Variants in ZFP64 observed in about 807,000 individuals in gnomAD.
The protein encoded by ZFP64 is zinc finger protein 64.
ZFP64 carries 14 observed loss-of-function variants against 51.6 expected under a neutral mutation model. The observed-to-expected ratio is 0.27, with a 90% CI of 0.18 to 0.42. ZFP64 has a LOEUF of 0.42. ZFP64 is among the 10% of genes least tolerant of loss of function. The probability of loss-of-function intolerance (pLI) is 1.00; values close to 1 mark genes in which losing one functional copy is unlikely to be tolerated. For missense variants in ZFP64, 754 were observed against 906.8 expected, an observed-to-expected ratio of 0.83 and a Z score of 2.16; for synonymous variants, 375 against 361.4, an observed-to-expected ratio of 1.04 and a Z score of -0.43.
At chr20:52,166,069 G>T (rs2273472) in intron 2 of ZFP64, 44 bp from the exon 3 acceptor site, 384,710 of 1,555,576 alleles carry the variant, frequency 0.25, 48,925 homozygotes, top group Admixed American at 0.35. Flanking sequence ...ATAAATGCCC[G>T]CTAGCTATGG....
At chr20:52,124,203 A>G (rs1263339169) in intron 5 of ZFP64, among the ~76,000 whole-genome samples, 2 of 151,734 alleles carry the variant, frequency 1.3e-5, no homozygotes, top group Non-Finnish European at 2.9e-5. Context: ...AAAAAAAAAA[A>G]AAAAAAAGTC....
At chr20:52,087,718 G>A (rs540870565) in intron 8 of ZFP64, among the ~76,000 whole-genome samples, 3 of 152,202 alleles carry the variant, frequency 2.0e-5, no homozygotes, top group Non-Finnish European at 4.4e-5. Context: ...TTGTGGCCCT[G>A]GCTGTCTACA....
At position 52,178,864 on chromosome 20, in the gene ZFP64, C is replaced by A. The variant is rs574562845; in HGVS notation, c.286+7968G>T. 1.1e-4 allele frequency among the ~76,000 whole-genome samples: 17 copies of A among 152,322 alleles called. No homozygotes were observed. The South Asian group carries it at 3.1e-3, about 28-fold the overall frequency. On this transcript the variant is annotated intron_variant, in intron 2 of 5. Coordinates refer to ENST00000216923, the MANE Select transcript of ZFP64 (RefSeq NM_018197.3). ...CCTTTAAGACTACACTTGTCACAAA[C>A]AGCTGGGCTTGAATGTCTTACAACT...
chr20:52,149,455 T>A (rs1980685160), downstream of ZFP64, among the ~76,000 whole-genome samples: 1 of 152,148 alleles, frequency 6.6e-6, no homozygotes, highest in Non-Finnish European at 1.5e-5. Context: ...TGTCAATAAA[T>A]GGAATAATCA....
At chr20:52,094,095 C>G (rs1418910426) in intron 7 of ZFP64, among the ~76,000 whole-genome samples, 1 of 152,152 alleles carries the variant, frequency 6.6e-6, no homozygotes. Context: ...GGCAGATCTA[C>G]CAACTGGGTC....
intron 5 of ZFP64, among the ~76,000 whole-genome samples, chr20:52,127,319 T>A (rs1372971384): frequency 6.6e-6 from 1 of 151,964 alleles, no homozygotes; most frequent in East Asian, 1.9e-4. Context: ...TTTTTTTTTT[T>A]AAAGGAAGTG....
chr20:52,175,896 A>G (rs778940518), intron 2 of ZFP64: 93 of 894,584 alleles, frequency 1.0e-4, no homozygotes, highest in Non-Finnish European at 1.2e-4. Context: ...ATTTTCTGAG[A>G]GAAAAGAGAA....
chr20:52,122,167 C>T (rs1979219865), intron 5 of ZFP64, among the ~76,000 whole-genome samples: 1 of 152,166 alleles, frequency 6.6e-6, no homozygotes, highest in African/African-American at 2.4e-5. Context: ...GCTGACACAA[C>T]CTCCATTCTA....
At chr20:52,094,794 A>G (rs1170837724) in intron 7 of ZFP64, among the ~76,000 whole-genome samples, 1 of 152,306 alleles carries the variant, frequency 6.6e-6, no homozygotes, top group East Asian at 1.9e-4. Flanking sequence ...CATTTGAAAT[A>G]CAACCACTAT....
intron 7 of ZFP64, among the ~76,000 whole-genome samples, chr20:52,094,642 C>G (rs1259350308): frequency 6.6e-6 from 1 of 152,066 alleles, no homozygotes; most frequent in Non-Finnish European, 1.5e-5. Context: ...GCCTGCAGCC[C>G]CAGCTATTCA....
At chr20:52,181,134 G>A (rs952259099) in intron 2 of ZFP64, among the ~76,000 whole-genome samples, 1 of 151,992 alleles carries the variant, frequency 6.6e-6, no homozygotes, top group African/African-American at 2.4e-5. Flanking sequence ...GTAGAGATGG[G>A]GGTTTCACCA....
intron 5 of ZFP64, among the ~76,000 whole-genome samples, chr20:52,136,508 T>G (rs1397041947): frequency 6.6e-6 from 1 of 152,222 alleles, no homozygotes; most frequent in East Asian, 1.9e-4. Flanking sequence ...ATTTCTATAT[T>G]CTTATTTATG....
rs1156545584 is a variant in ZFP64 at position 52,144,578 on chromosome 20, C to CA, written c.763+15544dup. Reference sequence around the variant, plus strand: ...CTGGTGACAGAGCGAGACTCCGTCTCAAAAAAAAAAAAAAAAAAAAAAAAT... The same window carrying CA: ...CTGGTGACAGAGCGAGACTCCGTCTCAAAAAAAAAAAAAAAAAAAAAAAAAT... On this transcript the variant is annotated intron_variant, in intron 5 of 8. Coordinates refer to the ZFP64 transcript ENST00000361387. 8.9e-3 allele frequency among the ~76,000 whole-genome samples: 205 copies of CA among 23,092 alleles called. 23 individuals carry two copies. The highest frequency in any genetic ancestry group is 0.079 in the East Asian group (42 of 532). The allele number at this position is 23,092 out of a possible 152,430, so 15.1% of individuals were successfully genotyped here.
At chr20:52,110,308 C>A in intron 5 of ZFP64, 1 of 445,950 alleles carries the variant, frequency 2.2e-6, no homozygotes. Context: ...CCCCTCCCCA[C>A]CCCTACCAAA....
chr20:52,127,543 G>A (rs1253540281), intron 5 of ZFP64, among the ~76,000 whole-genome samples: 2 of 152,140 alleles, frequency 1.3e-5, no homozygotes, highest in Non-Finnish European at 2.9e-5. Flanking sequence ...TGTGAAGAAG[G>A]TGCCTTGCTT....
At chr20:52,140,764 T>C (rs1258142530) in intron 5 of ZFP64, among the ~76,000 whole-genome samples, 2 of 152,128 alleles carry the variant, frequency 1.3e-5, no homozygotes, top group African/African-American at 4.8e-5. Flanking sequence ...AACAATAGAT[T>C]TTTGTTTATA....
At chr20:52,104,956 G>T in intron 5 of ZFP64, 1 of 724,910 alleles carries the variant, frequency 1.4e-6, no homozygotes, top group Non-Finnish European at 2.2e-6. Flanking sequence ...CTCCAGGAGA[G>T]TGTAATTTAC....
At chr20:52,139,632 G>A (rs1203089514) in intron 5 of ZFP64, among the ~76,000 whole-genome samples, 6 of 151,820 alleles carry the variant, frequency 4.0e-5, no homozygotes, top group African/African-American at 1.2e-4. Flanking sequence ...ACCTGCACAT[G>A]TACCCCCTAA....
chr20:52,174,506 T>G (rs1382112896), intron 2 of ZFP64, among the ~76,000 whole-genome samples: 1 of 137,042 alleles, frequency 7.3e-6, no homozygotes, highest in Non-Finnish European at 1.6e-5. Flanking sequence ...AAAAAAAAAG[T>G]ATATTTTAAA....
Sources: gnomAD v4.1 joint callset for allele counts (sites outside exome capture counted in the v4.1 genomes callset) on GRCh38, gnomAD v4.1.1 for gene constraint, MANE v1.5 for transcripts, NCBI Gene and HGNC (gene_info 2026-07-23, HGNC 2026-07-21) for gene names.